CEBPZ: variants seen among roughly 807,000 people sequenced by gnomAD.
CEBPZ encodes CCAAT/enhancer-binding protein zeta.
In CEBPZ, 78 loss-of-function variants were observed where a neutral mutation model predicts 104.5. The observed-to-expected ratio is 0.75, with a 90% CI of 0.62 to 0.90. The LOEUF is 0.90. CEBPZ is among the 40% of genes least tolerant of loss of function. The pLI is 0.00. For missense variants in CEBPZ, 1,439 were observed against 1,233.5 expected, an observed-to-expected ratio of 1.17 and a Z score of -2.50; for synonymous variants, 470 against 427.0, an observed-to-expected ratio of 1.10 and a Z score of -1.24.
rs1247876981 is a variant in CEBPZ at position 37,231,350 on chromosome 2, A to G, written c.156+62T>C. 1.9e-6 allele frequency: 3 copies of G among 1,600,332 alleles called. No individual in the cohort carries two copies. The Admixed American group carries it at 5.1e-5, about 27-fold the overall frequency. ...GCAGCGCGGAAGCGGCGGGGCAGTC[A>G]GCCTAGCCACCTTCGGAACTCTCCA... On this transcript the variant is annotated intron_variant, in intron 1 of 15. Transcript: ENST00000234170.
Position 37,222,537 on chromosome 2 carries a change from A to C in CEBPZ, c.1908T>G (p.Ile636Met), listed in dbSNP as rs774732549. Residue 636 changes from isoleucine to methionine, a missense_variant, in exon 4 of 16, where the codon ATT becomes ATG. Transcript: ENST00000234170. ...CCATGTCTTCATCATCATTTGCATC[A>C]ATAAAATTTTCTTCATCATCAGACT... ...HPESDDEENF[I>M]DANDDEDMEK... The C allele has an allele frequency of 6.3e-7, 1 of 1,588,116 alleles. No individual in the cohort carries two copies. The highest frequency in any genetic ancestry group is 1.2e-5 in the South Asian group (1 of 84,982).
chr2:37,228,324 T>C lies in CEBPZ; in HGVS notation c.869A>G (p.Lys290Arg), dbSNP rs560121002. The C allele has an allele frequency of 5.0e-6, 8 of 1,614,168 alleles. No individual in the cohort carries two copies. The highest frequency in any genetic ancestry group is 3.3e-4 in the Middle Eastern group (2 of 6,062). ...CAAAAGGTCTGTGATAAGCAACTCTTTGAAAGTATCCAAGGCCATAAGGCA... is the reference window on the plus strand; with the variant it reads ...CAAAAGGTCTGTGATAAGCAACTCTCTGAAAGTATCCAAGGCCATAAGGCA... ...QQCLMALDTF[K>R]ELLITDLLPD... Residue 290 changes from lysine (K) to arginine (R), a missense_variant, in exon 2 of 16, where the codon AAA (lysine) becomes AGA (arginine). Physicochemically the swap from Lys to Arg is conservative, Grantham distance 26. Coordinates refer to ENST00000234170, the MANE Select transcript of CEBPZ (RefSeq NM_005760.3).
chr2:37,202,604 C>T (rs1263979062), intron 15 of CEBPZ, 180 bp downstream of exon 15: 4 of 367,154 alleles, frequency 1.1e-5, no homozygotes, highest in African/African-American at 2.9e-5. Flanking sequence ...AAGATCATGC[C>T]ACTGCATTCC....
At chr2:37,214,843 AT>A in intron 9 of CEBPZ, 42 bp downstream of exon 9, 2 of 1,260,908 alleles carry the variant, frequency 1.6e-6, no homozygotes, top group Middle Eastern at 2.1e-4. Flanking sequence ...AAAAATTTAA[AT>A]TTTAGCAGTT....
chr2:37,211,672 T>C, intron 12 of CEBPZ, 171 bp downstream of exon 12: 1 of 549,820 alleles, frequency 1.8e-6, no homozygotes, highest in Non-Finnish European at 3.1e-6. Flanking sequence ...TAACACACAA[T>C]AAAAACCCTT....
chr2:37,210,700 C>T (rs1428565509), intron 13 of CEBPZ: 2 of 252,670 alleles, frequency 7.9e-6, no homozygotes, highest in Admixed American at 1.1e-4. Context: ...ACCAAAATCT[C>T]AGAAATCACT....
At chr2:37,206,446 C>A (rs999458153) in intron 13 of CEBPZ, among the ~76,000 whole-genome samples, 6 of 152,234 alleles carry the variant, frequency 3.9e-5, no homozygotes, top group African/African-American at 1.4e-4. Flanking sequence ...CGACCTCTGC[C>A]TAATGGGTTC....
chr2:37,229,868 A>T (rs889248280), intron 1 of CEBPZ, among the ~76,000 whole-genome samples: 53 of 151,524 alleles, frequency 3.5e-4, no homozygotes, highest in South Asian at 6.3e-4. Context: ...TAAAAAAAAA[A>T]TTTTTTTTTG....
chr2:37,228,200 T>C lies in CEBPZ; in HGVS notation c.993A>G (p.Ile331Met). 6.2e-7 allele frequency: 1 copy of C among 1,614,236 alleles called. No homozygotes were observed. The part of the protein sequence containing the change: ...GNKDSRDRRL[I>M]LWYFEHQLKH... ...TCAGCTGGTGTTCAAAATACCATAA[T>C]ATCAGTCTTCTATCTCTTGAGTCCT... The change falls in exon 2 of 16, where the codon ATA becomes ATG. Residue 331 changes from isoleucine (I) to methionine (M), a missense_variant. Ile to Met is a conservative substitution (Grantham distance 10). Coordinates refer to ENST00000234170, the MANE Select transcript of CEBPZ (RefSeq NM_005760.3).
intron 5 of CEBPZ, among the ~76,000 whole-genome samples, chr2:37,218,535 T>C (rs577270442): frequency 6.6e-6 from 1 of 152,208 alleles, no homozygotes; most frequent in Non-Finnish European, 1.5e-5. Context: ...CTGAAACCCA[T>C]ATTCAATTGG....
intron 6 of CEBPZ, 73 bp downstream of exon 6, chr2:37,216,907 CTGTA>C: frequency 3.4e-6 from 4 of 1,187,916 alleles, no homozygotes; most frequent in Non-Finnish European, 5.0e-6. Context: ...AGAGAAAACA[CTGTA>C]TGACCAATTA....
intron 13 of CEBPZ, chr2:37,203,483 G>A (rs1474428791): frequency 6.6e-6 from 1 of 152,060 alleles, no homozygotes; most frequent in African/African-American, 2.4e-5. Context: ...CTTATCTGTA[G>A]TACTGAATAT....
intron 6 of CEBPZ, 115 bp from the exon 7 acceptor site, chr2:37,216,533 C>T (rs553506434): frequency 5.3e-5 from 38 of 712,284 alleles, no homozygotes; most frequent in Admixed American, 2.3e-4. Context: ...TACAAATATG[C>T]AATAAATGAC....
At position 37,208,442 on chromosome 2, in the gene CEBPZ, C is replaced by T. The variant is rs192625618; in HGVS notation, c.2884+2557G>A. ...CCAACAGCATATCAAAAAGATAATA[C>T]ACCATGATCAAGTGGGTTTCTTGCC... is the stretch of plus-strand genomic sequence containing the variant. On this transcript the variant is annotated intron_variant, in intron 13 of 15. Coordinates refer to ENST00000234170, the MANE Select transcript of CEBPZ (RefSeq NM_005760.3). Among the ~76,000 whole-genome samples, 9 of 152,238 alleles carry T rather than the reference C, an allele frequency of 5.9e-5. No homozygotes were observed. In the East Asian group the frequency reaches 1.5e-3, roughly 26 times the overall value.
chr2:37,220,484 C>CAAA lies in CEBPZ; in HGVS notation c.2066-14_2066-12dup. 2 of 1,416,134 alleles carry CAAA rather than the reference C, an allele frequency of 1.4e-6. No homozygotes were observed. Among genetic ancestry groups the CAAA allele is most frequent in the East Asian group, 4.8e-5 (2 of 42,042 alleles). The allele number at this position is 1,416,134 out of a possible 1,614,324, so 87.7% of individuals were successfully genotyped here. A position where few individuals can be genotyped will look rare whatever the true frequency, so the allele number is the denominator to read the frequency against. On this transcript the variant is annotated splice_polypyrimidine_tract_variant and intron_variant, in intron 4 of 15. Coordinates refer to ENST00000234170, the MANE Select transcript of CEBPZ (RefSeq NM_005760.3). ...TTAACTGTTTCCCACCTAGGAATAA[C>CAAA]AAAAAAAATACGATTTCTCAAATGC... is the stretch of plus-strand genomic sequence containing the variant.
rs1270016054 is a variant in CEBPZ, at chr2:37,201,722, T to C, written c.*42A>G. On this transcript the variant is annotated 3_prime_UTR_variant, in exon 16 of 16. Coordinates refer to ENST00000234170, the MANE Select transcript of CEBPZ (RefSeq NM_005760.3). ...AAAAACATGGTTGAACAGCAAAAAT[T>C]AGATGTAAGTAGAATTTTAATCTAT... 1 of 1,169,944 alleles carries C rather than the reference T, an allele frequency of 8.5e-7. No homozygotes were observed. The highest frequency in any genetic ancestry group is 1.3e-6 in the Non-Finnish European group (1 of 797,120). The allele number at this position is 1,169,944 out of a possible 1,614,324, so 72.5% of individuals were successfully genotyped here.
At chr2:37,206,328 A>T (rs1212538845) in intron 13 of CEBPZ, among the ~76,000 whole-genome samples, 2 of 152,242 alleles carry the variant, frequency 1.3e-5, no homozygotes, top group Non-Finnish European at 2.9e-5. Flanking sequence ...CAGCACTATA[A>T]GAAATGCTGA....
At chr2:37,207,005 C>G (rs1426022452) in intron 13 of CEBPZ, among the ~76,000 whole-genome samples, 8 of 152,246 alleles carry the variant, frequency 5.3e-5, no homozygotes, top group Admixed American at 5.2e-4. Context: ...ACTAGCTATT[C>G]TTATATCAGA....
Position 37,227,530 on chromosome 2 carries a change from G to T in CEBPZ, c.1649+14C>A. ...TATTATTTCATGTCTCATATTGGAA[G>T]GGTATGTTCTTACCTGTATAATGCT... On this transcript the variant is annotated intron_variant, in intron 2 of 15. Coordinates refer to ENST00000234170, the MANE Select transcript of CEBPZ (RefSeq NM_005760.3). The T allele has an allele frequency of 6.4e-7, 1 of 1,572,126 alleles. No individual in the cohort carries two copies. The highest frequency in any genetic ancestry group is 8.6e-7 in the Non-Finnish European group (1 of 1,160,500).
Sources: allele counts gnomAD v4.1 joint callset (sites outside exome capture counted in the v4.1 genomes callset), GRCh38; gene constraint gnomAD v4.1.1; transcripts MANE v1.5; gene names NCBI Gene and HGNC (gene_info 2026-07-23, HGNC 2026-07-21).